ATM: variants seen among roughly 807,000 people sequenced by gnomAD.
ATM encodes serine-protein kinase ATM.
In ATM, 308 loss-of-function variants were observed where a neutral mutation model predicts 387.0. The observed-to-expected ratio is 0.80, with a 90% CI of 0.73 to 0.87. The LOEUF (loss-of-function observed/expected upper bound fraction) is 0.87. Among genes scored for constraint, ATM ranks in the 40% least tolerant of loss-of-function variants. The pLI is 0.00. For missense variants in ATM, 3,312 were observed against 3,560.9 expected (o/e 0.93, Z 1.78); for synonymous variants, 1,156 against 1,187.3 (o/e 0.97, Z 0.54).
chr11:108,263,183 T>G (rs1350168653), intron 16 of ATM, among the ~76,000 whole-genome samples: 4 of 141,756 alleles, frequency 2.8e-5, no homozygotes, highest in Admixed American at 2.1e-4. Context: ...AGAATATACA[T>G]TTTTTTCAGC....
chr11:108,283,129 C>T (rs914705455), intron 25 of ATM, among the ~76,000 whole-genome samples: 1 of 152,172 alleles, frequency 6.6e-6, no homozygotes, highest in Non-Finnish European at 1.5e-5. Context: ...TAAAGACCCT[C>T]TATGCCTTGG....
chr11:108,294,068 T>A (rs2082988768), intron 31 of ATM, among the ~76,000 whole-genome samples: 1 of 151,636 alleles, frequency 6.6e-6, no homozygotes, highest in Non-Finnish European at 1.5e-5. Flanking sequence ...ATTGTAAGTT[T>A]TCAAGGAATG....
chr11:108,301,610 C>T (rs747746659), intron 34 of ATM, 38 bp from the exon 35 acceptor site: 2 of 1,611,634 alleles, frequency 1.2e-6, no homozygotes, highest in East Asian at 4.5e-5. Context: ...AGATTAATAA[C>T]TGGTGTACTT....
intron 44 of ATM, among the ~76,000 whole-genome samples, chr11:108,320,885 A>T (rs1298414829): frequency 6.6e-6 from 1 of 152,234 alleles, no homozygotes; most frequent in Non-Finnish European, 1.5e-5. Flanking sequence ...ATTTTGTATA[A>T]GTATTATAAT....
intron 61 of ATM, among the ~76,000 whole-genome samples, chr11:108,358,639 T>G (rs1166930809): frequency 1.4e-5 from 2 of 142,058 alleles, no homozygotes; most frequent in Non-Finnish European, 3.1e-5. Context: ...GGGGCCAATA[T>G]TCAACATTCT....
At chr11:108,334,178 G>A (rs1046063694) in intron 54 of ATM, among the ~76,000 whole-genome samples, 3 of 151,378 alleles carry the variant, frequency 2.0e-5, no homozygotes, top group African/African-American at 7.3e-5. Context: ...ATTGCCTTCT[G>A]TTCTACACCT....
chr11:108,235,621 T>TA, intron 4 of ATM, 49 bp from the exon 5 acceptor site: 1 of 1,479,876 alleles, frequency 6.8e-7, no homozygotes, highest in Non-Finnish European at 9.3e-7. Context: ...CCAAGTGTCT[T>TA]ATTTTTGTTC....
intron 19 of ATM, 29 bp from the exon 20 acceptor site, chr11:108,271,222 G>C (rs557058487): frequency 6.2e-7 from 1 of 1,605,950 alleles, no homozygotes; most frequent in Non-Finnish European, 8.5e-7. Flanking sequence ...AGCTTATAAA[G>C]TTGAACTTTT....
intron 50 of ATM, among the ~76,000 whole-genome samples, chr11:108,330,789 G>A (rs1015187322): frequency 6.6e-6 from 1 of 152,056 alleles, no homozygotes; most frequent in Non-Finnish European, 1.5e-5. Flanking sequence ...GATCACAGGT[G>A]GGTTTTCCCC....
At chr11:108,251,633 A>G (rs745937826) in intron 10 of ATM, among the ~76,000 whole-genome samples, 2 of 152,202 alleles carry the variant, frequency 1.3e-5, no homozygotes, top group African/African-American at 2.4e-5. Flanking sequence ...TTAAATAGCC[A>G]TGTTTAAATT....
chr11:108,259,473 G>A (rs933343252), intron 16 of ATM, among the ~76,000 whole-genome samples: 4 of 152,072 alleles, frequency 2.6e-5, no homozygotes, highest in African/African-American at 7.2e-5. Context: ...GCGACAGAGC[G>A]AGACTCCATC....
At position 108,289,697 on chromosome 11, in the gene ATM, G is replaced by C. The variant is rs753570046; in HGVS notation, c.4332G>C (p.Leu1444=). 2.5e-6 allele frequency: 4 copies of C among 1,613,524 alleles called. No homozygotes were observed. Among genetic ancestry groups the C allele is most frequent in the Non-Finnish European group, 2.5e-6 (3 of 1,179,824 alleles). Residue 1444 remains leucine, a synonymous_variant, in exon 29 of 63, where the codon CTG becomes CTC. Coordinates refer to ENST00000675843, the MANE Select transcript of ATM (RefSeq NM_000051.4). ...KKHRILKIYH[L]FVSLLLKDIK... ...ACAGAATTCTTAAAATATATCACCT[G>C]TTTGTTAGTTTATTACTGAAAGATA...
chr11:108,306,929 T>G (rs1438941183), intron 37 of ATM, among the ~76,000 whole-genome samples: 1 of 152,212 alleles, frequency 6.6e-6, no homozygotes, highest in East Asian at 1.9e-4. Flanking sequence ...AATTCCATAT[T>G]ATGAATAACT....
chr11:108,286,697 A>T (rs1379828877), intron 26 of ATM, among the ~76,000 whole-genome samples: 1 of 152,004 alleles, frequency 6.6e-6, no homozygotes, highest in Non-Finnish European at 1.5e-5. Flanking sequence ...TTTCCTTTTG[A>T]TTTCGTTCTA....
intron 58 of ATM, chr11:108,346,501 T>TG (rs1458045015): frequency 2.0e-4 from 29 of 146,386 alleles, no homozygotes; most frequent in Non-Finnish European, 9.1e-5. Flanking sequence ...TATTTGTTGT[T>TG]TTTTTTTTTT....
At position 108,335,889 on chromosome 11, in the gene ATM, C is replaced by G. The variant is rs1183442138; in HGVS notation, c.8196C>G (p.Phe2732Leu). The change falls in exon 56 of 63, where the codon TTC (phenylalanine) becomes TTG (leucine). Residue 2732 changes from phenylalanine (F) to leucine (L), a missense_variant. Transcript: ENST00000675843. ...AAGATGCTGTCATGCAACAGGTCTT[C>G]CAGATGTGTAATACATTACTGCAGA... ...LRQDAVMQQV[F>L]QMCNTLLQRN... 6.2e-7 allele frequency: 1 copy of G among 1,613,864 alleles called. No individual in the cohort carries two copies. Among genetic ancestry groups the G allele is most frequent in the Non-Finnish European group, 8.5e-7 (1 of 1,179,974 alleles).
chr11:108,244,117 A>G lies in ATM; in HGVS notation c.661A>G (p.Arg221Gly), dbSNP rs2135227474. 1 of 1,613,686 alleles carries G rather than the reference A, an allele frequency of 6.2e-7. No individual in the cohort carries two copies. The highest frequency in any genetic ancestry group is 8.5e-7 in the Non-Finnish European group (1 of 1,179,802). The change falls in exon 6 of 63, where the codon AGA (arginine) becomes GGA (glycine). Residue 221 changes from arginine (R) to glycine (G), a missense_variant and splice_region_variant. By Grantham distance (125) the Arg-to-Gly change is moderately radical (BLOSUM62 -2). Transcript: ENST00000675843. ...DFFSKAIQCARQEKSSSGLNH... is the reference protein window; with the variant it reads ...DFFSKAIQCAGQEKSSSGLNH... ...TTTTTCCAAGGCTATTCAGTGTGCG[A>G]GGTAATCTAATCTCTTTTTCTTTTG...
At position 108,315,894 on chromosome 11, in the gene ATM, G is replaced by A. The variant is rs369349023; in HGVS notation, c.6078G>A (p.Met2026Ile). The change falls in exon 41 of 63, where the codon ATG becomes ATA. Residue 2026 changes from methionine (M) to isoleucine (I), a missense_variant. Coordinates refer to ENST00000675843, the MANE Select transcript of ATM (RefSeq NM_000051.4). Reference sequence around the variant, plus strand: ...TGTATGGCTGTGGTGGAGGGAAGATGTTACAACCCATTACTAGGTAAATTG... The same window carrying A: ...TGTATGGCTGTGGTGGAGGGAAGATATTACAACCCATTACTAGGTAAATTG... The part of the protein sequence containing the change: ...DSLYGCGGGK[M>I]LQPITRLRTY... The A allele has an allele frequency of 5.0e-6, 8 of 1,612,040 alleles. No individual in the cohort carries two copies. Among genetic ancestry groups the A allele is most frequent in the African/African-American group, 2.7e-5 (2 of 74,890 alleles).
In ATM at chr11:108,368,214, T is replaced by G. The variant is rs1028223202; in HGVS notation, c.*2706T>G. The G allele has an allele frequency of 3.9e-5, 8 of 205,496 alleles. No homozygotes were observed. The highest frequency in any genetic ancestry group is 1.6e-4 in the African/African-American group (7 of 43,666). 12.7% of individuals were successfully genotyped at this position (205,496 alleles called of 1,614,324 possible). A position where few individuals can be genotyped will look rare whatever the true frequency, so the allele number is the denominator to read the frequency against. On this transcript the variant is annotated 3_prime_UTR_variant, in exon 63 of 63. Coordinates refer to ENST00000675843, the MANE Select transcript of ATM (RefSeq NM_000051.4). ...TGACAGAATTAAGATTATAAAAGAT[T>G]TTTTTTTTGTAATTTTAGTAGAGAC...
Sources: allele counts gnomAD v4.1 joint callset (sites outside exome capture counted in the v4.1 genomes callset), GRCh38; gene constraint gnomAD v4.1.1; transcripts MANE v1.5; gene names NCBI Gene and HGNC (gene_info 2026-07-23, HGNC 2026-07-21).